OSTM1: variants seen among roughly 807,000 people sequenced by gnomAD.
OSTM1 encodes osteopetrosis-associated transmembrane protein 1.
A neutral mutation model predicts 35.4 loss-of-function variants in OSTM1; 26 were observed. The ratio of observed to expected loss-of-function variants is 0.73; its 90% CI spans 0.54 to 1.02. The LOEUF (loss-of-function observed/expected upper bound fraction) is 1.02. Among genes scored for constraint, OSTM1 ranks in the 50% least tolerant of loss-of-function variants. The pLI, the probability that OSTM1 is intolerant of heterozygous loss-of-function variation, is 0.00. For missense variants in OSTM1, 366 were observed against 409.6 expected (o/e 0.89, Z 0.92); for synonymous variants, 181 against 165.0 (o/e 1.10, Z -0.75).
At chr6:108,065,145 C>T (rs1341711715) in intron 1 of OSTM1, among the ~76,000 whole-genome samples, 1 of 151,988 alleles carries the variant, frequency 6.6e-6, no homozygotes, top group Non-Finnish European at 1.5e-5. Flanking sequence ...AGGCATGAGC[C>T]ACTGCACCTG....
At chr6:108,051,895 C>G (rs774500830) in intron 3 of OSTM1, among the ~76,000 whole-genome samples, 1 of 152,196 alleles carries the variant, frequency 6.6e-6, no homozygotes, top group African/African-American at 2.4e-5. Context: ...AATAAGTTTG[C>G]TAAACAGTCA....
Position 108,041,845 on chromosome 6 carries a change from C to G in OSTM1, c.*2940G>C, listed in dbSNP as rs954484888. ...GATCCATCCAGCTCTGGGAATCTATCATCAGATGGCCTCTAAGGTTTCTTC... is the reference window on the plus strand; with the variant it reads ...GATCCATCCAGCTCTGGGAATCTATGATCAGATGGCCTCTAAGGTTTCTTC... On this transcript the variant is annotated 3_prime_UTR_variant, in exon 6 of 6. Coordinates refer to ENST00000193322, the MANE Select transcript of OSTM1 (RefSeq NM_014028.4). 8.5e-5 allele frequency: 13 copies of G among 152,170 alleles called. No homozygotes were observed. Among genetic ancestry groups the G allele is most frequent in the African/African-American group, 3.1e-4 (13 of 41,432 alleles). The allele number at this position is 152,170 out of a possible 1,614,324, so 9.4% of individuals were successfully genotyped here.
In OSTM1 at chr6:108,054,158, C is replaced by G. The variant is rs538035932; in HGVS notation, c.615+332G>C. The stretch of plus-strand genomic sequence containing the variant: ...AGAATCATACTACACTGCAAAATAC[C>G]TACGTAAGTCAGATTGAAAACCATT... On this transcript the variant is annotated intron_variant, in intron 3 of 5. Coordinates refer to ENST00000193322, the MANE Select transcript of OSTM1 (RefSeq NM_014028.4). Among the ~76,000 whole-genome samples, 3 of 152,280 alleles carry G rather than the reference C, an allele frequency of 2.0e-5. No individual in the cohort carries two copies. The South Asian group carries it at 6.2e-4, about 32-fold the overall frequency.
intron 4 of OSTM1, among the ~76,000 whole-genome samples, chr6:108,050,519 A>G (rs570816665): frequency 6.6e-6 from 1 of 152,140 alleles, no homozygotes; most frequent in South Asian, 2.1e-4. Context: ...GTGTGCCACT[A>G]CACCCGGCTA....
intron 5 of OSTM1, among the ~76,000 whole-genome samples, chr6:108,048,071 A>G (rs928431258): frequency 6.6e-6 from 1 of 152,212 alleles, no homozygotes; most frequent in African/African-American, 2.4e-5. Context: ...CCCATGACAA[A>G]GACTCTCCCC....
At chr6:108,049,866 A>G (rs1358311544) in intron 4 of OSTM1, among the ~76,000 whole-genome samples, 5 of 152,238 alleles carry the variant, frequency 3.3e-5, no homozygotes, top group African/African-American at 1.2e-4. Flanking sequence ...AGTACTTTTT[A>G]CCATCTCGAA....
intron 2 of OSTM1, chr6:108,060,818 G>T (rs1771803000): frequency 6.6e-6 from 1 of 152,152 alleles, no homozygotes; most frequent in Non-Finnish European, 1.5e-5. Flanking sequence ...GTGAACCCCT[G>T]GCTCATCTGA....
intron 1 of OSTM1, among the ~76,000 whole-genome samples, chr6:108,073,213 T>C (rs1269047416): frequency 3.9e-5 from 6 of 152,250 alleles, no homozygotes; most frequent in Admixed American, 1.3e-4. Context: ...AGTTTAAATT[T>C]ATGGAATAAT....
At chr6:108,059,170 G>A (rs372112471) in intron 2 of OSTM1, among the ~76,000 whole-genome samples, 24 of 152,194 alleles carry the variant, frequency 1.6e-4, no homozygotes, top group African/African-American at 5.3e-4. Flanking sequence ...TTTAACTGCT[G>A]TATGCACAAG....
At chr6:108,045,796 A>G (rs1771957321) in intron 5 of OSTM1, among the ~76,000 whole-genome samples, 1 of 152,184 alleles carries the variant, frequency 6.6e-6, no homozygotes, top group Non-Finnish European at 1.5e-5. Flanking sequence ...TAGAAATGAA[A>G]AACAATCATG....
At position 108,044,755 on chromosome 6, in the gene OSTM1, G is replaced by A. The variant is rs988418891; in HGVS notation, c.*30C>T. On this transcript the variant is annotated 3_prime_UTR_variant, in exon 6 of 6. Coordinates refer to ENST00000193322, the MANE Select transcript of OSTM1 (RefSeq NM_014028.4). ...GTTGTGTCTTCCACCATTCATTCAC[G>A]TGATATGTCAATTCTCCATTTTGTA... 3 of 1,311,410 alleles carry A rather than the reference G, an allele frequency of 2.3e-6. No individual in the cohort carries two copies. Among genetic ancestry groups the A allele is most frequent in the Non-Finnish European group, 3.3e-6 (3 of 913,236 alleles). 81.2% of individuals were successfully genotyped at this position (1,311,410 alleles called of 1,614,324 possible).
At chr6:108,062,767 A>G (rs1273227008) in intron 2 of OSTM1, among the ~76,000 whole-genome samples, 2 of 152,116 alleles carry the variant, frequency 1.3e-5, no homozygotes, top group African/African-American at 4.8e-5. Flanking sequence ...GGCTCAAACA[A>G]TTCTCCCACC....
At chr6:108,048,749 CTTT>C (rs575605197) in intron 5 of OSTM1, among the ~76,000 whole-genome samples, 3 of 111,778 alleles carry the variant, frequency 2.7e-5, no homozygotes, top group Non-Finnish European at 5.3e-5. Context: ...TGTGTTTTAA[CTTT>C]TTTTTTTTTT....
At chr6:108,053,268 T>C (rs997956014) in intron 3 of OSTM1, among the ~76,000 whole-genome samples, 6 of 152,208 alleles carry the variant, frequency 3.9e-5, no homozygotes, top group African/African-American at 1.4e-4. Context: ...GAATTTTCCA[T>C]TTAATATTTT....
intron 1 of OSTM1, among the ~76,000 whole-genome samples, chr6:108,068,447 T>G (rs1772419781): frequency 6.6e-6 from 1 of 152,190 alleles, no homozygotes; most frequent in South Asian, 2.1e-4. Flanking sequence ...CTTCGCCCAC[T>G]AAACAGACTC....
intron 1 of OSTM1, among the ~76,000 whole-genome samples, chr6:108,064,646 T>A (rs1356165269): frequency 6.6e-6 from 1 of 152,226 alleles, no homozygotes; most frequent in Non-Finnish European, 1.5e-5. Context: ...CTATTTCCTT[T>A]CCTTCGTGCC....
intron 1 of OSTM1, among the ~76,000 whole-genome samples, chr6:108,067,668 T>A (rs1483649774): frequency 6.6e-6 from 1 of 151,600 alleles, no homozygotes; most frequent in East Asian, 1.9e-4. Context: ...CCATCTCTAC[T>A]AAAAGTATAA....
intron 1 of OSTM1, among the ~76,000 whole-genome samples, chr6:108,066,548 T>C (rs1772381509): frequency 6.6e-6 from 1 of 152,198 alleles, no homozygotes; most frequent in African/African-American, 2.4e-5. Context: ...TGTCAAATCC[T>C]GCTGAGAGAA....
At position 108,064,301 on chromosome 6, in the gene OSTM1, T is replaced by A. The variant is rs759127995; in HGVS notation, c.403-2A>T. On this transcript the variant is annotated splice_acceptor_variant, in intron 1 of 5. Coordinates refer to ENST00000193322, the MANE Select transcript of OSTM1 (RefSeq NM_014028.4). LOFTEE classifies it high-confidence loss of function. Reference sequence around the variant, plus strand: ...ACAACTCTGACTCTCTGAAGTATTCTGTAACAAAAAGAAGACAGAAAAATA... The same window carrying A: ...ACAACTCTGACTCTCTGAAGTATTCAGTAACAAAAAGAAGACAGAAAAATA... The A allele has an allele frequency of 6.7e-7, 1 of 1,483,350 alleles. No individual in the cohort carries two copies. The highest frequency in any genetic ancestry group is 1.1e-5 in the South Asian group (1 of 88,614). The allele number at this position is 1,483,350 out of a possible 1,614,324, so 91.9% of individuals were successfully genotyped here.
Sources: gnomAD v4.1 joint callset for allele counts (sites outside exome capture counted in the v4.1 genomes callset) on GRCh38, gnomAD v4.1.1 for gene constraint, MANE v1.5 for transcripts, NCBI Gene and HGNC (gene_info 2026-07-23, HGNC 2026-07-21) for gene names.